The following LMBR1 variants were observed in gnomAD, a reference collection of about 807,000 sequenced individuals.
LMBR1 encodes limb development membrane protein 1.
Under a neutral mutation model 73.9 loss-of-function variants are expected in LMBR1, and 52 were observed. That is an observed-to-expected ratio of 0.70 (90% confidence interval 0.56 to 0.89). The LOEUF (loss-of-function observed/expected upper bound fraction) is 0.89, where lower values mean the gene tolerates loss of function less well. LMBR1 is among the 40% of genes least tolerant of loss of function. The probability of loss-of-function intolerance (pLI) is 0.00; values close to 1 mark genes in which losing one functional copy is unlikely to be tolerated. For synonymous variants in LMBR1, 215 were observed against 209.4 expected (o/e 1.03, Z -0.23); for missense variants, 539 against 579.8 (o/e 0.93, Z 0.72).
At chr7:156,872,037 C>A (rs1247300615) in intron 1 of LMBR1, 1 of 152,024 alleles carries the variant, frequency 6.6e-6, no homozygotes, top group Non-Finnish European at 1.5e-5. Context: ...ATATAAAAAA[C>A]CATTTAACAG....
At chr7:156,785,034 A>C (rs1374430759) in intron 5 of LMBR1, among the ~76,000 whole-genome samples, 1 of 152,232 alleles carries the variant, frequency 6.6e-6, no homozygotes, top group Non-Finnish European at 1.5e-5. Context: ...TAAAGTAAGA[A>C]GGACATAAAA....
chr7:156,676,439 CG>C, downstream of LMBR1: 2 of 1,613,886 alleles, frequency 1.2e-6, no homozygotes, highest in Non-Finnish European at 1.7e-6. Flanking sequence ...GGGAGACCCA[CG>C]AGTGCTCCAT....
chr7:156,779,634 T>C, intron 5 of LMBR1: 1 of 1,210,254 alleles, frequency 8.3e-7, no homozygotes, highest in South Asian at 1.3e-5. Flanking sequence ...ATCAATGAAG[T>C]GAAAATTACA....
chr7:156,711,234 T>C (rs566099535), intron 15 of LMBR1, among the ~76,000 whole-genome samples: 1 of 152,178 alleles, frequency 6.6e-6, no homozygotes, highest in Non-Finnish European at 1.5e-5. Flanking sequence ...CGCTTGAACC[T>C]GGGAGATGGA....
intron 1 of LMBR1, among the ~76,000 whole-genome samples, chr7:156,873,236 G>A (rs903027704): frequency 6.6e-6 from 1 of 151,922 alleles, no homozygotes; most frequent in Admixed American, 6.6e-5. Flanking sequence ...TGGCTCAGGA[G>A]TGAAGCTGCA....
Position 156,725,488 on chromosome 7 carries a change from G to A in LMBR1, c.1105C>T (p.Leu369Phe). 6.2e-7 allele frequency: 1 copy of A among 1,610,530 alleles called. No homozygotes were observed. Among genetic ancestry groups the A allele is most frequent in the Non-Finnish European group, 8.5e-7 (1 of 1,177,944 alleles). ...GGAGTAAAGTTTCCAAAAAATCGAA[G>A]GCTATAGAAGCCGACAACAGAGGAC... ...MVSSVVGFYS[L>F]RFFGNFTPKK... The change falls in exon 14 of 17, where the codon CTT (leucine) becomes TTT (phenylalanine). Residue 369 changes from leucine to phenylalanine, a missense_variant. Physicochemically the swap from Leu to Phe is conservative, Grantham distance 22. Around this residue, in one of 3 missense-constraint regions of LMBR1, gnomAD observed 454 missense variants for 473.4 expected, o/e 0.96. Coordinates refer to ENST00000353442, the MANE Select transcript of LMBR1 (RefSeq NM_022458.4).
chr7:156,856,697 C>T (rs1797021522), intron 1 of LMBR1, among the ~76,000 whole-genome samples: 1 of 150,918 alleles, frequency 6.6e-6, no homozygotes, highest in Non-Finnish European at 1.5e-5. Flanking sequence ...CAGAGTGAGA[C>T]TCCATCTCAA....
rs1432765245 is a variant in LMBR1, at chr7:156,679,487, T to C, written c.*4591A>G. 1 of 150,084 alleles carries C rather than the reference T, an allele frequency of 6.7e-6. No individual in the cohort carries two copies. The highest frequency in any genetic ancestry group is 2.0e-4 in the East Asian group (1 of 5,004). The allele number at this position is 150,084 out of a possible 1,614,324, so 9.3% of individuals were successfully genotyped here. The stretch of plus-strand genomic sequence containing the variant: ...ACTTCAAGATGCTGTTAAAGAGAAG[T>C]TGCAGAATCAATATAAATAGCTACA... On this transcript the variant is annotated 3_prime_UTR_variant, in exon 17 of 17. Transcript: ENST00000353442.
At chr7:156,824,461 C>T (rs1459634523) in intron 4 of LMBR1, among the ~76,000 whole-genome samples, 2 of 152,142 alleles carry the variant, frequency 1.3e-5, no homozygotes, top group Non-Finnish European at 2.9e-5. Context: ...CACTGGATTA[C>T]AGCACCATGA....
chr7:156,732,284 A>G (rs891075031), intron 10 of LMBR1, among the ~76,000 whole-genome samples: 1 of 152,066 alleles, frequency 6.6e-6, no homozygotes, highest in Non-Finnish European at 1.5e-5. Context: ...CAAACCACAC[A>G]AGCCCTTTCT....
At chr7:156,804,862 T>A (rs1429901430) in intron 4 of LMBR1, among the ~76,000 whole-genome samples, 1 of 152,222 alleles carries the variant, frequency 6.6e-6, no homozygotes, top group African/African-American at 2.4e-5. Context: ...TCCATTTTTT[T>A]CTTTTATGGA....
intron 15 of LMBR1, among the ~76,000 whole-genome samples, chr7:156,717,771 AAAG>A (rs1317959838): frequency 1.3e-5 from 2 of 152,356 alleles, no homozygotes; most frequent in East Asian, 1.9e-4. Flanking sequence ...GAGTCATCAG[AAAG>A]AAGGAGAATG....
At chr7:156,721,423 T>G (rs1490889326) in intron 15 of LMBR1, among the ~76,000 whole-genome samples, 1 of 152,090 alleles carries the variant, frequency 6.6e-6, no homozygotes, top group African/African-American at 2.4e-5. Context: ...TCAAAATATT[T>G]TATTGCATAG....
intron 1 of LMBR1, among the ~76,000 whole-genome samples, chr7:156,883,457 G>C (rs770819569): frequency 5.9e-5 from 9 of 152,124 alleles, no homozygotes; most frequent in Admixed American, 3.9e-4. Flanking sequence ...AATGTAATTA[G>C]AATGTCCCAG....
chr7:156,800,508 A>C (rs1274549727), intron 4 of LMBR1, among the ~76,000 whole-genome samples: 1 of 150,056 alleles, frequency 6.7e-6, no homozygotes, highest in Non-Finnish European at 1.5e-5. Flanking sequence ...AAAGATTTTC[A>C]AAATACTACT....
intron 5 of LMBR1, among the ~76,000 whole-genome samples, chr7:156,786,061 C>A (rs989474538): frequency 1.3e-5 from 2 of 151,366 alleles, no homozygotes; most frequent in Non-Finnish European, 2.9e-5. Context: ...GGGATCAAAT[C>A]TATGGGAAAA....
rs1304360262 is a variant in LMBR1, at chr7:156,679,319, G to GAA, written c.*4757_*4758dup. ...TCCACAGTAAAGACTAAAAAGAAAA[G>GAA]AAAAAGTGAATCACTCTTCAGACTG... On this transcript the variant is annotated 3_prime_UTR_variant, in exon 17 of 17. Coordinates refer to ENST00000353442, the MANE Select transcript of LMBR1 (RefSeq NM_022458.4). The GAA allele has an allele frequency of 6.6e-6, 1 of 152,202 alleles. No homozygotes were observed. The highest frequency in any genetic ancestry group is 1.5e-5 in the Non-Finnish European group (1 of 68,068). The allele number at this position is 152,202 out of a possible 1,614,324, so 9.4% of individuals were successfully genotyped here.
At chr7:156,676,848 A>G (rs940393464), downstream of LMBR1, 75 of 571,128 alleles carry the variant, frequency 1.3e-4, no homozygotes, top group Non-Finnish European at 2.2e-4. Flanking sequence ...TGGTCTCTAA[A>G]AAGTAAATTT....
chr7:156,880,330 C>T, intron 1 of LMBR1, among the ~76,000 whole-genome samples: 1 of 152,024 alleles, frequency 6.6e-6, no homozygotes, highest in Non-Finnish European at 1.5e-5. Context: ...GACACATGGA[C>T]TTTGGGGACT....
Sources: allele counts gnomAD v4.1 joint callset (sites outside exome capture counted in the v4.1 genomes callset), GRCh38; gene constraint gnomAD v4.1.1; regional missense constraint gnomAD v4.1.1; transcripts MANE v1.5; gene names NCBI Gene and HGNC (gene_info 2026-07-23, HGNC 2026-07-21).